LRRIQ3: variants seen among roughly 807,000 people sequenced by gnomAD.
The protein encoded by LRRIQ3 is leucine-rich repeat and IQ domain-containing protein 3.
A neutral mutation model predicts 59.3 loss-of-function variants in LRRIQ3; 75 were observed. The ratio of observed to expected loss-of-function variants is 1.26; its 90% CI spans 1.05 to 1.53. LRRIQ3 has a LOEUF of 1.53. Among genes scored for constraint, LRRIQ3 ranks in the 40% most tolerant of loss-of-function variants. The probability of loss-of-function intolerance (pLI) is 0.00; values close to 1 mark genes in which losing one functional copy is unlikely to be tolerated. For missense variants in LRRIQ3, 831 were observed against 710.0 expected (o/e 1.17, Z -1.94); for synonymous variants, 250 against 231.3 (o/e 1.08, Z -0.73).
At chr1:74,036,030 C>G (rs1490485302) in intron 7 of LRRIQ3, among the ~76,000 whole-genome samples, 4 of 152,084 alleles carry the variant, frequency 2.6e-5, no homozygotes, top group East Asian at 1.9e-4. Flanking sequence ...CTTAGAGGAT[C>G]AAGAATATCT....
chr1:74,128,381 G>T (rs1646966178), intron 4 of LRRIQ3, among the ~76,000 whole-genome samples: 1 of 152,038 alleles, frequency 6.6e-6, no homozygotes, highest in Non-Finnish European at 1.5e-5. Flanking sequence ...TCTGGTAAGA[G>T]ACCGATTTAC....
At chr1:74,131,157 C>T (rs1486912722) in intron 4 of LRRIQ3, among the ~76,000 whole-genome samples, 8 of 152,068 alleles carry the variant, frequency 5.3e-5, no homozygotes, top group Non-Finnish European at 1.2e-4. Flanking sequence ...CACATACACC[C>T]TCCCAAGACT....
chr1:74,194,654 T>A (rs1018768291), intron 1 of LRRIQ3, among the ~76,000 whole-genome samples: 10 of 152,280 alleles, frequency 6.6e-5, no homozygotes, highest in African/African-American at 2.4e-4. Flanking sequence ...AGCCAGAAGA[T>A]GGATATTAAA....
chr1:74,162,582 A>G (rs1184442654), intron 3 of LRRIQ3, among the ~76,000 whole-genome samples: 1 of 151,808 alleles, frequency 6.6e-6, no homozygotes, highest in African/African-American at 2.4e-5. Flanking sequence ...TGTCAACAGT[A>G]AGAGTTGTTT....
intron 4 of LRRIQ3, among the ~76,000 whole-genome samples, chr1:74,119,847 T>C (rs17094883): frequency 0.015 from 2,235 of 152,194 alleles, 59 homozygotes; most frequent in African/African-American, 0.051. Flanking sequence ...TAATTTTTAA[T>C]ATTTGGAAAG....
chr1:74,140,164 C>G, intron 4 of LRRIQ3, among the ~76,000 whole-genome samples: 1 of 151,734 alleles, frequency 6.6e-6, no homozygotes, highest in Non-Finnish European at 1.5e-5. Context: ...AAATCAAACT[C>G]TGTTATTTAT....
At chr1:74,046,210 C>G (rs113391093) in intron 6 of LRRIQ3, among the ~76,000 whole-genome samples, 15 of 152,222 alleles carry the variant, frequency 9.9e-5, no homozygotes, top group Admixed American at 3.3e-4. Context: ...TCAAACTATA[C>G]TACAAGGCTA....
chr1:74,087,381 CTTTTTT>C (rs57068994), intron 5 of LRRIQ3, among the ~76,000 whole-genome samples: 5 of 59,006 alleles, frequency 8.5e-5, no homozygotes, highest in African/African-American at 2.9e-4. Context: ...AAAATTTTAT[CTTTTTT>C]TTTTTTTTTT....
intron 4 of LRRIQ3, among the ~76,000 whole-genome samples, chr1:74,124,672 T>C (rs1367014235): frequency 1.3e-5 from 2 of 152,024 alleles, no homozygotes; most frequent in African/African-American, 4.8e-5. Context: ...TCACTGTAGA[T>C]ATATAGATTT....
intron 5 of LRRIQ3, chr1:74,082,206 C>G (rs1004100644): frequency 8.0e-5 from 12 of 150,854 alleles, no homozygotes; most frequent in Non-Finnish European, 1.3e-4. Flanking sequence ...GATGTGAAAA[C>G]AAGAAAAAAA....
intron 5 of LRRIQ3, among the ~76,000 whole-genome samples, chr1:74,075,701 T>C (rs1006817247): frequency 6.6e-6 from 1 of 152,222 alleles, no homozygotes; most frequent in African/African-American, 2.4e-5. Context: ...TGGGATGTTT[T>C]AGTGACAGTG....
intron 5 of LRRIQ3, among the ~76,000 whole-genome samples, chr1:74,097,550 G>A (rs1646466099): frequency 6.6e-6 from 1 of 152,076 alleles, no homozygotes; most frequent in Non-Finnish European, 1.5e-5. Flanking sequence ...AGGAAATACA[G>A]AGAATGCCAC....
chr1:74,166,427 T>C (rs899487149), intron 3 of LRRIQ3, among the ~76,000 whole-genome samples: 1 of 151,764 alleles, frequency 6.6e-6, no homozygotes, highest in South Asian at 2.1e-4. Context: ...TGATAATTTG[T>C]CTCTCCCTTT....
At position 74,026,760 on chromosome 1, in the gene LRRIQ3, TA is replaced by T; in HGVS notation, c.*52del. On this transcript the variant is annotated 3_prime_UTR_variant, in exon 8 of 8. Coordinates refer to ENST00000354431, the MANE Select transcript of LRRIQ3 (RefSeq NM_001105659.2). ...GAGTATTATTTCAAATTCCTTCAAC[TA>T]AAAATAATGACTATAATTTAAGATG... 3 of 1,450,598 alleles carry T rather than the reference TA, an allele frequency of 2.1e-6. No individual in the cohort carries two copies. The highest frequency in any genetic ancestry group is 9.4e-7 in the Non-Finnish European group (1 of 1,065,474). 89.9% of individuals were successfully genotyped at this position (1,450,598 alleles called of 1,614,324 possible). A position where few individuals can be genotyped will look rare whatever the true frequency, so the allele number is the denominator to read the frequency against.
chr1:74,150,949 C>T (rs1303099697), intron 4 of LRRIQ3, among the ~76,000 whole-genome samples: 2 of 149,142 alleles, frequency 1.3e-5, no homozygotes, highest in African/African-American at 4.9e-5. Flanking sequence ...TAATAAATAT[C>T]ACCTAAAATG....
chr1:74,135,217 T>G (rs1485001489), intron 4 of LRRIQ3, among the ~76,000 whole-genome samples: 1 of 151,940 alleles, frequency 6.6e-6, no homozygotes, highest in Non-Finnish European at 1.5e-5. Context: ...ATTCTAAGTA[T>G]GTATGTACCC....
At chr1:74,115,058 T>C (rs1374175212) in intron 4 of LRRIQ3, among the ~76,000 whole-genome samples, 1 of 152,050 alleles carries the variant, frequency 6.6e-6, no homozygotes, top group African/African-American at 2.4e-5. Flanking sequence ...TTTTATAATG[T>C]CTGAAAGAAA....
intron 3 of LRRIQ3, among the ~76,000 whole-genome samples, chr1:74,173,670 T>C (rs889527117): frequency 6.6e-6 from 1 of 152,090 alleles, no homozygotes; most frequent in East Asian, 1.9e-4. Flanking sequence ...TTTCATATTG[T>C]ATATTCAGTA....
At chr1:74,042,040 C>T in intron 6 of LRRIQ3, 107 bp from the exon 7 acceptor site, 1 of 1,152,878 alleles carries the variant, frequency 8.7e-7, no homozygotes, top group Non-Finnish European at 1.1e-6. Flanking sequence ...ATTTACTTTA[C>T]TAAGAAGAAT....
Sources: gnomAD v4.1 joint callset for allele counts (sites outside exome capture counted in the v4.1 genomes callset) on GRCh38, gnomAD v4.1.1 for gene constraint, MANE v1.5 for transcripts, NCBI Gene and HGNC (gene_info 2026-07-23, HGNC 2026-07-21) for gene names.